Variants in HBS1L observed in about 807,000 individuals in gnomAD.
The protein encoded by HBS1L is HBS1-like protein.
A neutral mutation model predicts 88.9 loss-of-function variants in HBS1L; 55 were observed. The observed-to-expected ratio is 0.62, with a 90% CI of 0.50 to 0.77. The LOEUF is 0.77. Among genes scored for constraint, HBS1L ranks in the 30% least tolerant of loss-of-function variants. The probability of loss-of-function intolerance (pLI) is 0.00; values close to 1 mark genes in which losing one functional copy is unlikely to be tolerated. For missense variants in HBS1L, 741 were observed against 829.3 expected (o/e 0.89, Z 1.31); for synonymous variants, 267 against 288.5 (o/e 0.93, Z 0.76).
Position 134,993,811 on chromosome 6 carries a change from C to A in HBS1L, c.1030G>T (p.Asp344Tyr). Residue 344 changes from aspartate (D) to tyrosine (Y), a missense_variant, in exon 8 of 18, where the codon GAT becomes TAT. By Grantham distance (160) the Asp-to-Tyr change is radical. Transcript: ENST00000367837. ...ATGAAGTCCTTATGGCCTGGAGCATCCATTAATGTAATAACTTTGGTTGTG... is the reference window on the plus strand; with the variant it reads ...ATGAAGTCCTTATGGCCTGGAGCATACATTAATGTAATAACTTTGGTTGTG... ...ETTTKVITLM[D>Y]APGHKDFIPN... 1 of 1,607,088 alleles carries A rather than the reference C, an allele frequency of 6.2e-7. No individual in the cohort carries two copies. Among genetic ancestry groups the A allele is most frequent in the South Asian group, 1.1e-5 (1 of 89,960 alleles).
chr6:135,001,299 ATTAT>A (rs1439586085), intron 5 of HBS1L, among the ~76,000 whole-genome samples: 2 of 152,182 alleles, frequency 1.3e-5, no homozygotes, highest in Admixed American at 6.5e-5. Flanking sequence ...AATTATGCAC[ATTAT>A]TTATTGATAC....
intron 12 of HBS1L, 174 bp from the exon 13 acceptor site, chr6:134,982,736 T>A: frequency 2.8e-6 from 1 of 363,086 alleles, no homozygotes; most frequent in Non-Finnish European, 4.9e-6. Context: ...ACACTTTACT[T>A]TTTTTTTTTG....
intron 13 of HBS1L, among the ~76,000 whole-genome samples, chr6:134,979,935 T>C (rs1774777601): frequency 6.6e-6 from 1 of 152,064 alleles, no homozygotes; most frequent in South Asian, 2.1e-4. Context: ...TGTTGCTATA[T>C]ATCTAGAGAT....
chr6:135,046,317 A>C (rs1776910223), intron 2 of HBS1L, among the ~76,000 whole-genome samples: 1 of 151,852 alleles, frequency 6.6e-6, no homozygotes, highest in Non-Finnish European at 1.5e-5. Context: ...GCTTCCTTAT[A>C]CCAAACTAAT....
chr6:135,023,030 A>G (rs1776116575), intron 4 of HBS1L, among the ~76,000 whole-genome samples: 1 of 151,996 alleles, frequency 6.6e-6, no homozygotes, highest in Non-Finnish European at 1.5e-5. Flanking sequence ...AGACAAATAC[A>G]GCAAAATAAA....
chr6:135,017,643 T>A (rs1210019349), intron 4 of HBS1L, among the ~76,000 whole-genome samples: 1 of 151,896 alleles, frequency 6.6e-6, no homozygotes, highest in Non-Finnish European at 1.5e-5. Context: ...GAGGAAAATA[T>A]AGGATACAGA....
chr6:134,978,295 C>T (rs560971487), intron 15 of HBS1L, among the ~76,000 whole-genome samples: 5 of 151,770 alleles, frequency 3.3e-5, no homozygotes, highest in Non-Finnish European at 5.9e-5. Context: ...AACTGCAAAT[C>T]GACATATTAA....
intron 5 of HBS1L, among the ~76,000 whole-genome samples, chr6:134,999,739 T>C (rs1017497734): frequency 9.9e-5 from 15 of 152,190 alleles, no homozygotes; most frequent in Non-Finnish European, 1.9e-4. Context: ...TGAGCTACTG[T>C]ACCCGGCCCC....
At chr6:135,017,014 T>C (rs563195843) in intron 4 of HBS1L, among the ~76,000 whole-genome samples, 1 of 152,312 alleles carries the variant, frequency 6.6e-6, no homozygotes, top group East Asian at 1.9e-4. Context: ...ATTTATCTGG[T>C]ATAAAACTAA....
chr6:135,038,181 A>T, intron 4 of HBS1L: 1 of 612,522 alleles, frequency 1.6e-6, no homozygotes, highest in Non-Finnish European at 2.7e-6. Context: ...TCATTACTTA[A>T]CATGAATACT....
chr6:134,966,436 G>A lies in HBS1L; in HGVS notation c.1936C>T (p.Gln646Ter). ...TKGQNALVEL[Q>*]TQRPIALELY... ...TCAAGAGCTATTGGTCTTTGTGTCT[G>A]TAGCTCTACCAATGCATTCTGGCCT... is the stretch of plus-strand genomic sequence containing the variant. The change falls in exon 17 of 18, where the codon CAG becomes TAG. Residue 646 changes from glutamine to a stop codon, truncating the protein, a stop_gained. Coordinates refer to ENST00000367837, the MANE Select transcript of HBS1L (RefSeq NM_006620.4). LOFTEE classifies it high-confidence loss of function. 1 of 1,610,086 alleles carries A rather than the reference G, an allele frequency of 6.2e-7. No individual in the cohort carries two copies. Among genetic ancestry groups the A allele is most frequent in the Non-Finnish European group, 8.5e-7 (1 of 1,177,944 alleles).
intron 4 of HBS1L, chr6:135,026,830 C>CAAGAGTGT (rs1462981693): frequency 6.7e-6 from 1 of 149,666 alleles, no homozygotes; most frequent in Non-Finnish European, 1.5e-5. Context: ...AATAAAAATG[C>CAAGAGTGT]AAGAGTGTTA....
rs1051851118 is a variant in HBS1L, at chr6:134,969,255, G to GA, written c.1880dup (p.Thr628HisfsTer6). ...ACACTCACTTAGGCTTTTTCTTTGT[G>GA]ACTTCACCCGTGCTTTTGTTTAAGA... On this transcript the variant is annotated frameshift_variant, in exon 16 of 18. Transcript: ENST00000367837. LOFTEE classifies it high-confidence loss of function. 2.5e-6 allele frequency: 4 copies of GA among 1,611,080 alleles called. No individual in the cohort carries two copies. The highest frequency in any genetic ancestry group is 1.7e-5 in the Admixed American group (1 of 59,978).
rs565054446 is a variant in HBS1L, at chr6:135,015,618, G to T, written c.431-12776C>A. Among the ~76,000 whole-genome samples, 178 of 152,328 alleles carry T rather than the reference G, an allele frequency of 1.2e-3. 2 individuals carry two copies. Among genetic ancestry groups the T allele is most frequent in the African/African-American group, 3.9e-3 (162 of 41,570 alleles). Reference sequence around the variant, plus strand: ...TTCTTGGGGGACAGAGTCTCGTTCTGTTGCCCAGGCTGGAGTGCAGTAGCG... The same window carrying T: ...TTCTTGGGGGACAGAGTCTCGTTCTTTTGCCCAGGCTGGAGTGCAGTAGCG... On this transcript the variant is annotated intron_variant, in intron 4 of 17. Coordinates refer to ENST00000367837, the MANE Select transcript of HBS1L (RefSeq NM_006620.4).
intron 4 of HBS1L, among the ~76,000 whole-genome samples, chr6:135,039,367 AC>A (rs1438083231): frequency 6.6e-6 from 1 of 152,010 alleles, no homozygotes; most frequent in Non-Finnish European, 1.5e-5. Context: ...TAAAATAACC[AC>A]AAAAACAGGC....
chr6:134,981,905 C>T (rs1774842388), intron 13 of HBS1L, among the ~76,000 whole-genome samples: 1 of 151,884 alleles, frequency 6.6e-6, no homozygotes, highest in African/African-American at 2.4e-5. Context: ...TATGCAGAAA[C>T]AGTGACTGGC....
chr6:135,022,040 G>A (rs1298762564), intron 4 of HBS1L, among the ~76,000 whole-genome samples: 1 of 151,984 alleles, frequency 6.6e-6, no homozygotes, highest in Non-Finnish European at 1.5e-5. Context: ...AGCCCCTTAC[G>A]AGCTACTCTA....
intron 4 of HBS1L, among the ~76,000 whole-genome samples, chr6:135,019,949 CAG>C (rs771761448): frequency 3.0e-4 from 45 of 151,582 alleles, no homozygotes; most frequent in Admixed American, 3.9e-4. Flanking sequence ...TCTAGCTTGA[CAG>C]TGTATTATGG....
Position 135,054,711 on chromosome 6 carries a change from GC to G in HBS1L, c.-21del. 6.2e-7 allele frequency: 1 copy of G among 1,614,140 alleles called. No homozygotes were observed. Among genetic ancestry groups the G allele is most frequent in the East Asian group, 2.2e-5 (1 of 44,886 alleles). ...GGCCATGACGGCGGAGAGGGCGTTTGCCACAGCCCCTTAACTCCTTCCAAAA... is the reference window on the plus strand; with the variant it reads ...GGCCATGACGGCGGAGAGGGCGTTTGCACAGCCCCTTAACTCCTTCCAAAA... On this transcript the variant is annotated 5_prime_UTR_variant, in exon 1 of 18. Coordinates refer to ENST00000367837, the MANE Select transcript of HBS1L (RefSeq NM_006620.4).
Sources: gnomAD v4.1 joint callset for allele counts (sites outside exome capture counted in the v4.1 genomes callset) on GRCh38, gnomAD v4.1.1 for gene constraint, MANE v1.5 for transcripts, NCBI Gene and HGNC (gene_info 2026-07-23, HGNC 2026-07-21) for gene names.